The following AFG2A variants were observed in gnomAD, a reference collection of about 807,000 sequenced individuals.
The protein encoded by AFG2A is ATPase family gene 2 protein homolog A.
chr4:122,998,534 T>G, the AFG2A span, among the ~76,000 whole-genome samples: 1 of 151,946 alleles, frequency 6.6e-6, no homozygotes, highest in African/African-American at 2.4e-5. Flanking sequence ...ATTATTCAAT[T>G]CCCACCTATG....
the AFG2A span, among the ~76,000 whole-genome samples, chr4:123,097,262 T>C: frequency 1.3e-5 from 2 of 151,996 alleles, no homozygotes; most frequent in Non-Finnish European, 2.9e-5. Flanking sequence ...ATTCCAAAAA[T>C]ACCCTCAGAA....
the AFG2A span, chr4:123,256,259 C>A: frequency 6.6e-7 from 1 of 1,505,490 alleles, no homozygotes; most frequent in Non-Finnish European, 9.0e-7. Flanking sequence ...AATTGCTTGC[C>A]CTGAGGTGTT....
the AFG2A span, among the ~76,000 whole-genome samples, chr4:123,247,342 G>A: frequency 6.6e-6 from 1 of 152,108 alleles, no homozygotes; most frequent in East Asian, 1.9e-4. Context: ...TTGTGAAAAG[G>A]TTTACTAAGC....
the AFG2A span, among the ~76,000 whole-genome samples, chr4:123,151,569 C>T: frequency 6.6e-6 from 1 of 152,114 alleles, no homozygotes; most frequent in East Asian, 1.9e-4. Flanking sequence ...CAAATCAAAA[C>T]CACAATGAGA....
At chr4:123,130,324 G>A in the AFG2A span, among the ~76,000 whole-genome samples, 69,517 of 152,076 alleles carry the variant, frequency 0.46, 19,454 homozygotes, top group Non-Finnish European at 0.61. Flanking sequence ...GTTCAGTTCT[G>A]TCAGTTTTGA....
the AFG2A span, among the ~76,000 whole-genome samples, chr4:123,106,013 A>G: frequency 1.3e-5 from 2 of 152,334 alleles, no homozygotes; most frequent in East Asian, 3.9e-4. Flanking sequence ...CATGCTACAA[A>G]GATATCTTTC....
At chr4:122,936,265 GA>G in the AFG2A span, 10 of 600,236 alleles carry the variant, frequency 1.7e-5, no homozygotes, top group African/African-American at 1.9e-4. Flanking sequence ...AAATTATAGT[GA>G]TAGTGGTAGA....
the AFG2A span, among the ~76,000 whole-genome samples, chr4:123,068,688 C>G: frequency 6.6e-6 from 1 of 152,086 alleles, no homozygotes; most frequent in South Asian, 2.1e-4. Flanking sequence ...TCTTCATTCT[C>G]TTACCTCAGA....
the AFG2A span, among the ~76,000 whole-genome samples, chr4:123,140,256 TC>T: frequency 2.6e-5 from 4 of 152,104 alleles, no homozygotes; most frequent in Non-Finnish European, 5.9e-5. Context: ...TGTCAACCAC[TC>T]TTATTTTTTA....
the AFG2A span, among the ~76,000 whole-genome samples, chr4:123,136,174 G>T: frequency 6.6e-6 from 1 of 152,138 alleles, no homozygotes; most frequent in African/African-American, 2.4e-5. Flanking sequence ...AAATTAATAT[G>T]TGGGTTTTAT....
the AFG2A span, among the ~76,000 whole-genome samples, chr4:122,944,994 G>A: frequency 1.3e-5 from 2 of 152,162 alleles, no homozygotes; most frequent in Non-Finnish European, 2.9e-5. Context: ...CGTTCCTCTG[G>A]AAGTTTTGTC....
chr4:122,998,138 A>C, the AFG2A span, among the ~76,000 whole-genome samples: 3 of 152,082 alleles, frequency 2.0e-5, no homozygotes, highest in Non-Finnish European at 2.9e-5. Flanking sequence ...CAAAAGTTTA[A>C]AAAAAATTTT....
the AFG2A span, among the ~76,000 whole-genome samples, chr4:122,940,826 G>C: frequency 6.6e-6 from 1 of 151,244 alleles, no homozygotes; most frequent in Non-Finnish European, 1.5e-5. Context: ...GTAAGGAAGG[G>C]ATCCAGTTTC....
chr4:123,288,098 G>C, the AFG2A span, among the ~76,000 whole-genome samples: 1 of 152,128 alleles, frequency 6.6e-6, no homozygotes, highest in African/African-American at 2.4e-5. Flanking sequence ...AATAGATTGA[G>C]AACTGAGGAT....
the AFG2A span, among the ~76,000 whole-genome samples, chr4:123,039,043 A>G: frequency 6.6e-6 from 1 of 152,128 alleles, no homozygotes; most frequent in South Asian, 2.1e-4. Flanking sequence ...TGTACTTAGC[A>G]GAGAAAAAAA....
the AFG2A span, among the ~76,000 whole-genome samples, chr4:123,078,036 G>C: frequency 6.6e-6 from 1 of 152,108 alleles, no homozygotes; most frequent in African/African-American, 2.4e-5. Context: ...CATGGGAGAG[G>C]GTCACAGAAG....
chr4:123,029,682 G>C, the AFG2A span, among the ~76,000 whole-genome samples: 5 of 152,114 alleles, frequency 3.3e-5, no homozygotes, highest in Admixed American at 2.6e-4. Flanking sequence ...CTGTGGCCTA[G>C]GCTGAAGTAT....
chr4:123,030,959 G>A, the AFG2A span, among the ~76,000 whole-genome samples: 17 of 152,044 alleles, frequency 1.1e-4, no homozygotes, highest in African/African-American at 3.9e-4. Flanking sequence ...TGTACTATTC[G>A]TTCAACTCTC....
At chr4:123,238,133 C>T in the AFG2A span, among the ~76,000 whole-genome samples, 406 of 152,298 alleles carry the variant, frequency 2.7e-3, 3 homozygotes, top group Middle Eastern at 0.014. Context: ...GAGGGGCATC[C>T]GCCATTGCTG....
Sources: allele counts gnomAD v4.1 joint callset (sites outside exome capture counted in the v4.1 genomes callset), GRCh38; gene constraint gnomAD v4.1.1; transcripts MANE v1.5; gene names NCBI Gene and HGNC (gene_info 2026-07-23, HGNC 2026-07-21).